PPP1R1C: variants seen among roughly 807,000 people sequenced by gnomAD.
The protein encoded by PPP1R1C is protein phosphatase 1 regulatory subunit 1C.
A neutral mutation model predicts 17.4 loss-of-function variants in PPP1R1C; 15 were observed. The ratio of observed to expected loss-of-function variants is 0.86; its 90% CI spans 0.58 to 1.33. The LOEUF (loss-of-function observed/expected upper bound fraction) is 1.33. PPP1R1C is among the 40% of genes most tolerant of loss of function. The pLI is 0.00. For synonymous variants in PPP1R1C, 35 were observed against 43.1 expected (o/e 0.81, Z 0.73); for missense variants, 143 against 130.0 (o/e 1.10, Z -0.48).
At chr2:181,966,980 C>T (rs529167414) in intron 1 of PPP1R1C, among the ~76,000 whole-genome samples, 1 of 151,994 alleles carries the variant, frequency 6.6e-6, no homozygotes, top group African/African-American at 2.4e-5. Flanking sequence ...TAGCATTGAT[C>T]TTGTTGCTTA....
downstream of PPP1R1C, among the ~76,000 whole-genome samples, chr2:182,118,248 A>G (rs1395855981): frequency 6.6e-6 from 1 of 152,174 alleles, no homozygotes; most frequent in African/African-American, 2.4e-5. Context: ...TTTTACCCCT[A>G]TAGAACTGGC....
At chr2:182,051,493 T>C (rs1466731422) in intron 2 of PPP1R1C, among the ~76,000 whole-genome samples, 1 of 152,196 alleles carries the variant, frequency 6.6e-6, no homozygotes. Context: ...CCACATCAGT[T>C]ACAGTATTTC....
At chr2:182,119,482 C>T (rs1261117666), downstream of PPP1R1C, among the ~76,000 whole-genome samples, 1 of 152,230 alleles carries the variant, frequency 6.6e-6, no homozygotes, top group Non-Finnish European at 1.5e-5. Context: ...AATCACCACA[C>T]TGACTTCCAC....
At position 182,027,702 on chromosome 2, in the gene PPP1R1C, G is replaced by C. The variant is rs1031959934; in HGVS notation, c.143-33740G>C. Among the ~76,000 whole-genome samples, 9 of 151,158 alleles carry C rather than the reference G, an allele frequency of 6.0e-5. No homozygotes were observed. The South Asian group carries it at 6.3e-4, about 11-fold the overall frequency. On this transcript the variant is annotated intron_variant, in intron 2 of 4. Transcript: ENST00000682840. ...TTGGTTGTGTCTCTGCCTGGCTTTG[G>C]TATCAGAATGATGCTAGCCTCATAA... is the stretch of plus-strand genomic sequence containing the variant.
At chr2:182,033,907 A>G (rs981438355) in intron 2 of PPP1R1C, among the ~76,000 whole-genome samples, 2 of 152,208 alleles carry the variant, frequency 1.3e-5, no homozygotes, top group African/African-American at 2.4e-5. Flanking sequence ...TTAGAAATGT[A>G]TCATTGTATT....
chr2:182,054,957 G>A (rs1687637513), intron 2 of PPP1R1C, among the ~76,000 whole-genome samples: 1 of 152,110 alleles, frequency 6.6e-6, no homozygotes, highest in Non-Finnish European at 1.5e-5. Context: ...CACCACACCT[G>A]GCCCAGTGTG....
chr2:181,982,044 A>G (rs897679146), upstream of PPP1R1C, among the ~76,000 whole-genome samples: 5 of 152,226 alleles, frequency 3.3e-5, no homozygotes, highest in African/African-American at 1.2e-4. Context: ...ATAACTTTCA[A>G]GATTCATGAA....
chr2:182,065,041 G>A (rs1349583301), intron 4 of PPP1R1C, among the ~76,000 whole-genome samples: 3 of 152,002 alleles, frequency 2.0e-5, no homozygotes, highest in East Asian at 3.9e-4. Context: ...CTCAAGGGCC[G>A]ATGATGTTCA....
intron 2 of PPP1R1C, among the ~76,000 whole-genome samples, chr2:182,028,087 T>A (rs1686681649): frequency 7.2e-6 from 1 of 139,718 alleles, no homozygotes; most frequent in African/African-American, 2.7e-5. Flanking sequence ...TTGTGTCTAT[T>A]TGATTCTTCT....
chr2:182,108,201 A>T (rs1689311534), intron 4 of PPP1R1C, among the ~76,000 whole-genome samples: 8 of 151,718 alleles, frequency 5.3e-5, no homozygotes, highest in Admixed American at 5.2e-4. Context: ...AGTTTACTGT[A>T]TTTCAAATAT....
intron 2 of PPP1R1C, among the ~76,000 whole-genome samples, chr2:182,007,930 T>C (rs1419807355): frequency 6.6e-6 from 1 of 150,516 alleles, no homozygotes; most frequent in Non-Finnish European, 1.5e-5. Context: ...TAGCCGGGAG[T>C]GGTGGTGGGT....
chr2:181,994,501 T>C (rs955250743), intron 2 of PPP1R1C, among the ~76,000 whole-genome samples: 29 of 152,308 alleles, frequency 1.9e-4, no homozygotes, highest in African/African-American at 7.0e-4. Flanking sequence ...GACTGTCTCA[T>C]TTGCATAAAT....
At chr2:182,047,504 A>G (rs1032623045) in intron 2 of PPP1R1C, among the ~76,000 whole-genome samples, 2 of 152,186 alleles carry the variant, frequency 1.3e-5, no homozygotes, top group Non-Finnish European at 2.9e-5. Flanking sequence ...TTACTGGAAT[A>G]AATATTGCTG....
chr2:182,090,531 C>A (rs952780163), intron 4 of PPP1R1C, among the ~76,000 whole-genome samples: 5 of 152,120 alleles, frequency 3.3e-5, no homozygotes, highest in African/African-American at 1.2e-4. Flanking sequence ...ACTTGCTGAA[C>A]AGAGCATTTA....
At chr2:182,095,755 G>A (rs1688915330) in intron 4 of PPP1R1C, among the ~76,000 whole-genome samples, 1 of 152,170 alleles carries the variant, frequency 6.6e-6, no homozygotes, top group African/African-American at 2.4e-5. Flanking sequence ...ACCTTGGAAG[G>A]CCAAGGCAAA....
chr2:182,131,045 G>A (rs576859735), downstream of PPP1R1C: 1 of 152,138 alleles, frequency 6.6e-6, no homozygotes, highest in African/African-American at 2.4e-5. Flanking sequence ...TGGCAGAACA[G>A]TGTTAAAAAA....
chr2:181,992,991 T>A (rs1685510624), intron 2 of PPP1R1C, among the ~76,000 whole-genome samples: 1 of 152,180 alleles, frequency 6.6e-6, no homozygotes, highest in South Asian at 2.1e-4. Flanking sequence ...CAGTTTATAC[T>A]GTATGTAGCA....
intron 2 of PPP1R1C, among the ~76,000 whole-genome samples, chr2:181,995,612 GA>G (rs572840030): frequency 6.6e-6 from 1 of 152,134 alleles, no homozygotes; most frequent in East Asian, 1.9e-4. Context: ...AAATTTGATA[GA>G]AAAAATTACT....
At chr2:181,989,125 G>A (rs573612894) in intron 2 of PPP1R1C, among the ~76,000 whole-genome samples, 1 of 152,252 alleles carries the variant, frequency 6.6e-6, no homozygotes, top group East Asian at 1.9e-4. Context: ...GCTCATGGTA[G>A]CAAACATTTC....
Sources: gnomAD v4.1 joint callset for allele counts (sites outside exome capture counted in the v4.1 genomes callset) on GRCh38, gnomAD v4.1.1 for gene constraint, MANE v1.5 for transcripts, NCBI Gene and HGNC (gene_info 2026-07-23, HGNC 2026-07-21) for gene names.